The following SPTBN1 variants were observed in gnomAD, a reference collection of about 807,000 sequenced individuals.
SPTBN1 encodes the protein spectrin beta, non-erythrocytic 1.
Under a neutral mutation model 266.4 loss-of-function variants are expected in SPTBN1, and 32 were observed. The ratio of observed to expected loss-of-function variants is 0.12; its 90% CI spans 0.09 to 0.16. SPTBN1 has a LOEUF of 0.16. Among genes scored for constraint, SPTBN1 ranks in the 10% least tolerant of loss-of-function variants. The pLI is 1.00. For missense variants in SPTBN1, 2,296 were observed against 3,067.1 expected (o/e 0.75, Z 5.94); for synonymous variants, 1,336 against 1,162.2 (o/e 1.15, Z -3.04).
At chr2:54,463,765 TAAC>T (rs1206702694) in intron 1 of SPTBN1, among the ~76,000 whole-genome samples, 1 of 152,214 alleles carries the variant, frequency 6.6e-6, no homozygotes, top group African/African-American at 2.4e-5. Context: ...TTCTAGCAAA[TAAC>T]AATCATTTAG....
At chr2:54,665,878 CT>C in intron 33 of SPTBN1, 36 bp from the exon 34 acceptor site, 1 of 1,585,808 alleles carries the variant, frequency 6.3e-7, no homozygotes, top group Non-Finnish European at 8.6e-7. Flanking sequence ...GTGGTAGAGC[CT>C]TTATCTCCCC....
chr2:54,593,650 G>A (rs753611013), intron 2 of SPTBN1, among the ~76,000 whole-genome samples: 13 of 152,072 alleles, frequency 8.5e-5, no homozygotes, highest in Non-Finnish European at 1.5e-4. Flanking sequence ...TGCATACTCT[G>A]AAGGTGGTGC....
chr2:54,584,374 G>C (rs539239619), intron 2 of SPTBN1, among the ~76,000 whole-genome samples: 8 of 152,034 alleles, frequency 5.3e-5, no homozygotes, highest in African/African-American at 1.9e-4. Context: ...GTACATCTTC[G>C]TTTTCTTGCA....
chr2:54,616,679 C>T lies in SPTBN1; in HGVS notation c.566+381C>T, dbSNP rs148815554. Among the ~76,000 whole-genome samples, 420 of 152,316 alleles carry T rather than the reference C, an allele frequency of 2.8e-3. 1 individual carries two copies. The highest frequency in any genetic ancestry group is 9.6e-3 in the African/African-American group (401 of 41,570). ...GCTTTCTTTGCACAGTAAACAACAG[C>T]ATAACCTTTTAATATTATCTGTGTC... is the stretch of plus-strand genomic sequence containing the variant. On this transcript the variant is annotated intron_variant, in intron 5 of 35. Transcript: ENST00000356805.
chr2:54,665,091 A>G (rs1428293277), intron 33 of SPTBN1, among the ~76,000 whole-genome samples: 1 of 152,178 alleles, frequency 6.6e-6, no homozygotes, highest in African/African-American at 2.4e-5. Context: ...TTGTCTCTCA[A>G]CAGCCCCAAT....
chr2:54,599,309 G>A, intron 3 of SPTBN1, 66 bp downstream of exon 3: 1 of 1,576,444 alleles, frequency 6.3e-7, no homozygotes, highest in Non-Finnish European at 8.7e-7. Flanking sequence ...AATCAAGTGT[G>A]ACTTGTCTCC....
rs558038178 is a variant in SPTBN1 at position 54,493,642 on chromosome 2, T to C, written c.-47-32730T>C. Among the ~76,000 whole-genome samples the C allele has an allele frequency of 2.0e-5, 3 of 152,302 alleles. No homozygotes were observed. In the South Asian group the frequency reaches 6.2e-4, roughly 32 times the overall value. Reference sequence around the variant, plus strand: ...GTCTTGAACTCCTTGCCTCAAGTTATCCACCTGCCTTGGCCTCCCAAAGTG... The same window carrying C: ...GTCTTGAACTCCTTGCCTCAAGTTACCCACCTGCCTTGGCCTCCCAAAGTG... On this transcript the variant is annotated intron_variant, in intron 1 of 35. Coordinates refer to ENST00000356805, the MANE Select transcript of SPTBN1 (RefSeq NM_003128.3).
At chr2:54,661,279 G>A (rs1681025833) in intron 32 of SPTBN1, 3 of 985,664 alleles carry the variant, frequency 3.0e-6, no homozygotes, top group South Asian at 4.7e-5. Context: ...TCCTTGTACC[G>A]ATAAAAACAA....
At position 54,670,940 on chromosome 2, in the gene SPTBN1, A is replaced by G. The variant is rs1681663469; in HGVS notation, c.*2371A>G. 1 of 397,456 alleles carries G rather than the reference A, an allele frequency of 2.5e-6. No homozygotes were observed. Among genetic ancestry groups the G allele is most frequent in the Non-Finnish European group, 4.4e-6 (1 of 225,902 alleles). The allele number at this position is 397,456 out of a possible 1,614,324, so 24.6% of individuals were successfully genotyped here. ...ATGAGCTTCAAGCCTGGCAGGGTAA[A>G]TAGTTTTTGGGTTTTTTGTTTTTTT... On this transcript the variant is annotated 3_prime_UTR_variant, in exon 36 of 36. Transcript: ENST00000356805.
At chr2:54,483,833 C>T (rs890615543) in intron 1 of SPTBN1, among the ~76,000 whole-genome samples, 2 of 152,198 alleles carry the variant, frequency 1.3e-5, no homozygotes, top group Admixed American at 1.3e-4. Flanking sequence ...GTGCCTGTTG[C>T]AGACCTTATT....
chr2:54,626,054 C>G lies in SPTBN1; in HGVS notation c.1464C>G (p.Leu488=). 6.2e-7 allele frequency: 1 copy of G among 1,614,126 alleles called. No individual in the cohort carries two copies. The highest frequency in any genetic ancestry group is 8.5e-7 in the Non-Finnish European group (1 of 1,180,038). Residue 488 remains leucine (L), a synonymous_variant, in exon 12 of 36, where the codon CTC becomes CTG. Coordinates refer to ENST00000356805, the MANE Select transcript of SPTBN1 (RefSeq NM_003128.3). This position sits in a 1 kb window ranked among gnomAD's most constrained non-coding sequence, Gnocchi z 4.7. The part of the protein sequence containing the change: ...VQAVVAVARE[L]EAENYHDIKR... ...CTGTGGTAGCCGTGGCCAGGGAGCT[C>G]GAGGCCGAGAATTACCACGACATCA...
At chr2:54,666,459 T>C (rs1681375513) in intron 34 of SPTBN1, among the ~76,000 whole-genome samples, 1 of 152,270 alleles carries the variant, frequency 6.6e-6, no homozygotes, top group Non-Finnish European at 1.5e-5. Flanking sequence ...CAGGAGATGC[T>C]ATTCTTTGCT....
At chr2:54,571,455 A>G (rs1446587299) in intron 2 of SPTBN1, among the ~76,000 whole-genome samples, 1 of 152,102 alleles carries the variant, frequency 6.6e-6, no homozygotes, top group Admixed American at 6.6e-5. Context: ...AACATTCCAC[A>G]TCCGGGGAAT....
intron 1 of SPTBN1, among the ~76,000 whole-genome samples, chr2:54,502,089 C>T (rs1669302528): frequency 2.0e-5 from 3 of 152,150 alleles, no homozygotes; most frequent in African/African-American, 7.2e-5. Context: ...TTTTTCTTTT[C>T]AGGATGTCAG....
intron 1 of SPTBN1, among the ~76,000 whole-genome samples, chr2:54,492,264 A>T (rs1051613052): frequency 1.3e-4 from 20 of 148,686 alleles, no homozygotes; most frequent in Non-Finnish European, 2.4e-4. Context: ...AACACTTTTT[A>T]TGGCTGTATA....
At chr2:54,458,833 T>C (rs1300720832) in intron 1 of SPTBN1, among the ~76,000 whole-genome samples, 1 of 152,262 alleles carries the variant, frequency 6.6e-6, no homozygotes, top group African/African-American at 2.4e-5. Flanking sequence ...GGTCAGTGTT[T>C]ACAAGCCAAG....
chr2:54,621,402 A>G lies in SPTBN1; in HGVS notation c.766A>G (p.Ile256Val). ...ACAGAGTCTTCTCTGGGTTACAGAC[A>G]TCAGCGTGGACCATCCTGATGAGAA... ...GLTKLLDPED[I>V]SVDHPDEKSI... The change falls in exon 8 of 36, where the codon ATC (isoleucine) becomes GTC (valine). Residue 256 changes from isoleucine to valine, a missense_variant and splice_region_variant. Transcript: ENST00000356805. The G allele has an allele frequency of 3.7e-6, 6 of 1,612,766 alleles. No individual in the cohort carries two copies. The highest frequency in any genetic ancestry group is 5.1e-6 in the Non-Finnish European group (6 of 1,178,810).
intron 2 of SPTBN1, chr2:54,528,207 T>G (rs2104333498): frequency 6.5e-6 from 1 of 152,776 alleles, no homozygotes; most frequent in South Asian, 2.1e-4. Flanking sequence ...GTATTTTCAT[T>G]TGAGTCTTTA....
chr2:54,622,127 A>G (rs755164024), intron 8 of SPTBN1, among the ~76,000 whole-genome samples, 173 bp from the exon 9 acceptor site: 1 of 152,218 alleles, frequency 6.6e-6, no homozygotes, highest in Non-Finnish European at 1.5e-5. Context: ...CCCTCTTAGC[A>G]GATGGTTCCT....
Sources: gnomAD v4.1 joint callset for allele counts (sites outside exome capture counted in the v4.1 genomes callset) on GRCh38, gnomAD v4.1.1 for gene constraint, Gnocchi (gnomAD v3.1) non-coding constraint, MANE v1.5 for transcripts, NCBI Gene and HGNC (gene_info 2026-07-23, HGNC 2026-07-21) for gene names.